The following PAM variants were observed in gnomAD, a reference collection of about 807,000 sequenced individuals.
PAM encodes the protein peptidyl-glycine alpha-amidating monooxygenase.
A neutral mutation model predicts 122.1 loss-of-function variants in PAM; 72 were observed. The ratio of observed to expected loss-of-function variants is 0.59; its 90% CI spans 0.49 to 0.72. PAM has a LOEUF of 0.72. Among genes scored for constraint, PAM ranks in the 30% least tolerant of loss-of-function variants. PAM has a pLI of 0.00. For missense variants in PAM, 1,106 were observed against 1,183.7 expected (o/e 0.93, Z 0.96); for synonymous variants, 389 against 404.4 (o/e 0.96, Z 0.46).
intron 15 of PAM, among the ~76,000 whole-genome samples, chr5:102,980,513 A>G (rs2150567700): frequency 6.6e-6 from 1 of 152,294 alleles, no homozygotes; most frequent in Admixed American, 6.5e-5. Flanking sequence ...GTTATGTGGA[A>G]TAATTCCGAT....
At chr5:102,801,931 A>G (rs1764855652) in intron 1 of PAM, among the ~76,000 whole-genome samples, 1 of 150,592 alleles carries the variant, frequency 6.6e-6, no homozygotes, top group Non-Finnish European at 1.5e-5. Flanking sequence ...GGCGCCCGCC[A>G]CCACGCCCGG....
At chr5:102,861,820 A>G (rs552540498) in intron 1 of PAM, among the ~76,000 whole-genome samples, 2 of 152,292 alleles carry the variant, frequency 1.3e-5, no homozygotes, top group South Asian at 2.1e-4. Context: ...CAGCATTTCT[A>G]TAAGTTTCAG....
In PAM at chr5:102,948,248, C is replaced by G. The variant is rs1053694264; in HGVS notation, c.576-130C>G. 3 of 539,788 alleles carry G rather than the reference C, an allele frequency of 5.6e-6. No individual in the cohort carries two copies. The Admixed American group carries it at 1.0e-4, about 18-fold the overall frequency. The allele number at this position is 539,788 out of a possible 1,614,324, so 33.4% of individuals were successfully genotyped here. Reference sequence around the variant, plus strand: ...ATTTTTTAAGGAAGAAAAATTTTTCCTCTTTTTCTACTTCAATTTTCAAAA... The same window carrying G: ...ATTTTTTAAGGAAGAAAAATTTTTCGTCTTTTTCTACTTCAATTTTCAAAA... On this transcript the variant is annotated intron_variant, in intron 8 of 25. Transcript: ENST00000438793.
At chr5:102,799,953 T>C (rs1419347047) in intron 1 of PAM, among the ~76,000 whole-genome samples, 1 of 152,240 alleles carries the variant, frequency 6.6e-6, no homozygotes, top group African/African-American at 2.4e-5. Context: ...TTGAATGCTT[T>C]ACAGAGATTT....
chr5:102,816,219 A>G (rs534485580), intron 1 of PAM, among the ~76,000 whole-genome samples: 6 of 152,268 alleles, frequency 3.9e-5, no homozygotes, highest in African/African-American at 9.6e-5. Flanking sequence ...TGTTAATCCA[A>G]TAGTTTAAGT....
At chr5:102,774,233 A>G (rs1381851527) in intron 1 of PAM, among the ~76,000 whole-genome samples, 1 of 152,098 alleles carries the variant, frequency 6.6e-6, no homozygotes, top group African/African-American at 2.4e-5. Context: ...ATACCCAGTA[A>G]CTGGATTGCT....
chr5:102,913,900 G>T, intron 4 of PAM, 34 bp from the exon 5 acceptor site: 1 of 1,187,542 alleles, frequency 8.4e-7, no homozygotes, highest in Non-Finnish European at 1.3e-6. Context: ...AGTGTAACTT[G>T]TATTCACATA....
intron 16 of PAM, among the ~76,000 whole-genome samples, chr5:102,993,013 C>A (rs1774617626): frequency 6.6e-6 from 1 of 152,060 alleles, no homozygotes; most frequent in South Asian, 2.1e-4. Flanking sequence ...CATTATTCTT[C>A]ATTCCCACCT....
At position 102,803,931 on chromosome 5, in the gene PAM, A is replaced by G. The variant is rs1017849230; in HGVS notation, c.-374+48583A>G. Among the ~76,000 whole-genome samples the G allele has an allele frequency of 2.6e-5, 4 of 152,160 alleles. No homozygotes were observed. The East Asian group carries it at 7.7e-4, about 29-fold the overall frequency. On this transcript the variant is annotated intron_variant, in intron 1 of 25. Coordinates refer to ENST00000438793, the MANE Select transcript of PAM (RefSeq NM_001177306.2). ...TTTAAGTGCAGTTCTCAAGGTTAAG[A>G]ACACCGAAAATTCTGAGAGGGAGCT...
intron 16 of PAM, among the ~76,000 whole-genome samples, chr5:102,993,183 C>G (rs905890629): frequency 7.9e-5 from 12 of 152,100 alleles, no homozygotes; most frequent in Admixed American, 3.9e-4. Flanking sequence ...CGCTTCTCTT[C>G]TAGCTGAAAT....
chr5:102,785,652 T>A (rs1305622055), intron 1 of PAM, among the ~76,000 whole-genome samples: 1 of 151,796 alleles, frequency 6.6e-6, no homozygotes, highest in African/African-American at 2.4e-5. Context: ...ATATAATTTC[T>A]TTCTGAGTTA....
intron 1 of PAM, among the ~76,000 whole-genome samples, chr5:102,818,101 A>T (rs1770541181): frequency 6.7e-6 from 1 of 149,948 alleles, no homozygotes; most frequent in South Asian, 2.1e-4. Context: ...ATAACCCCTA[A>T]CTCTTTTTCT....
intron 14 of PAM, among the ~76,000 whole-genome samples, chr5:102,964,656 A>G (rs879396736): frequency 6.6e-6 from 1 of 151,894 alleles, no homozygotes; most frequent in Non-Finnish European, 1.5e-5. Flanking sequence ...ACAAATAGAA[A>G]TCATCCGTAG....
At chr5:102,891,940 T>C (rs1251898675) in intron 3 of PAM, among the ~76,000 whole-genome samples, 3 of 151,894 alleles carry the variant, frequency 2.0e-5, no homozygotes, top group South Asian at 2.1e-4. Flanking sequence ...TCCTGTTCTT[T>C]CTTGCCTAAG....
At chr5:102,962,833 C>T (rs1406843083) in intron 14 of PAM, among the ~76,000 whole-genome samples, 1 of 151,696 alleles carries the variant, frequency 6.6e-6, no homozygotes, top group Non-Finnish European at 1.5e-5. Context: ...TGTTTTATAG[C>T]ATATATATAA....
rs1298375699 is a variant in PAM at position 103,017,401 on chromosome 5, C to A, written c.2399C>A (p.Thr800Asn). Residue 800 changes from threonine (T) to asparagine (N), a missense_variant, in exon 22 of 26, where the codon ACC becomes AAC. By Grantham distance (65) the Thr-to-Asn change is moderately conservative. Coordinates refer to ENST00000438793, the MANE Select transcript of PAM (RefSeq NM_001177306.2). ...DGTVYIGDAH[T>N]NTVWKFTLTE... Reference sequence around the variant, plus strand: ...ACTGTGTACATTGGAGATGCTCATACCAACACCGTGTGGAAGTTCACCTTG... The same window carrying A: ...ACTGTGTACATTGGAGATGCTCATAACAACACCGTGTGGAAGTTCACCTTG... The A allele has an allele frequency of 6.2e-7, 1 of 1,608,372 alleles. No homozygotes were observed. Among genetic ancestry groups the A allele is most frequent in the Admixed American group, 1.7e-5 (1 of 59,994 alleles).
At chr5:103,020,882 G>T (rs780044434) in intron 23 of PAM, among the ~76,000 whole-genome samples, 1 of 152,078 alleles carries the variant, frequency 6.6e-6, no homozygotes, top group Admixed American at 6.6e-5. Flanking sequence ...CAATTGTTTG[G>T]CATTTGTAGA....
At chr5:102,834,441 C>T (rs550960437) in intron 1 of PAM, among the ~76,000 whole-genome samples, 1 of 152,240 alleles carries the variant, frequency 6.6e-6, no homozygotes, top group African/African-American at 2.4e-5. Context: ...TCCGTTCTCT[C>T]ATAGAGTGTT....
intron 11 of PAM, among the ~76,000 whole-genome samples, chr5:102,950,380 C>G (rs768281539): frequency 6.7e-5 from 10 of 148,656 alleles, no homozygotes; most frequent in Non-Finnish European, 1.0e-4. Context: ...TAAAGGTGAA[C>G]TGTTTTTATC....
Sources: allele counts gnomAD v4.1 joint callset (sites outside exome capture counted in the v4.1 genomes callset), GRCh38; gene constraint gnomAD v4.1.1; transcripts MANE v1.5; gene names NCBI Gene and HGNC (gene_info 2026-07-23, HGNC 2026-07-21).